Variants in PID1 observed in about 807,000 individuals in gnomAD.
The protein encoded by PID1 is PTB-containing, cubilin and LRP1-interacting protein.
In PID1, 10 loss-of-function variants were observed where a neutral mutation model predicts 19.1. That is an observed-to-expected ratio of 0.52 (90% confidence interval 0.32 to 0.89). The LOEUF (loss-of-function observed/expected upper bound fraction) is 0.89, where lower values mean the gene tolerates loss of function less well. Among genes scored for constraint, PID1 ranks in the 40% least tolerant of loss-of-function variants. The probability of loss-of-function intolerance (pLI) is 0.03; values close to 1 mark genes in which losing one functional copy is unlikely to be tolerated. For missense variants in PID1, 248 were observed against 285.3 expected (o/e 0.87, Z 0.94); for synonymous variants, 130 against 116.0 (o/e 1.12, Z -0.78).
intron 2 of PID1, among the ~76,000 whole-genome samples, chr2:229,138,201 G>C (rs926420303): frequency 1.3e-4 from 20 of 152,198 alleles, no homozygotes; most frequent in African/African-American, 4.8e-4. Context: ...TTCTCTCCTG[G>C]ACCCTCAGAA....
intron 1 of PID1, among the ~76,000 whole-genome samples, chr2:229,208,888 G>T (rs922053192): frequency 2.0e-5 from 3 of 152,142 alleles, no homozygotes; most frequent in Non-Finnish European, 4.4e-5. Flanking sequence ...ATGAAAATTA[G>T]AGAGGAGCCC....
intron 1 of PID1, among the ~76,000 whole-genome samples, chr2:229,266,274 T>G (rs557287897): frequency 1.4e-4 from 21 of 152,122 alleles, no homozygotes; most frequent in African/African-American, 5.1e-4. Context: ...CTCCCCATTT[T>G]TTTTTTGTCT....
At chr2:229,166,994 T>C (rs374733053) in intron 1 of PID1, among the ~76,000 whole-genome samples, 1 of 83,096 alleles carries the variant, frequency 1.2e-5, no homozygotes, top group Non-Finnish European at 2.6e-5. Context: ...GAAGGGGAAG[T>C]GGAAGGGGAA....
intron 2 of PID1, among the ~76,000 whole-genome samples, chr2:229,142,751 C>G (rs1039361588): frequency 1.2e-4 from 18 of 152,170 alleles, no homozygotes; most frequent in African/African-American, 4.3e-4. Flanking sequence ...GTTGGTGGGA[C>G]TGTAAACTAG....
intron 2 of PID1, among the ~76,000 whole-genome samples, chr2:229,088,819 A>G (rs1222728664): frequency 6.6e-6 from 1 of 152,140 alleles, no homozygotes. Flanking sequence ...ACTACTTTCC[A>G]TGAATACTGC....
At chr2:229,073,251 T>C (rs1479786265) in intron 2 of PID1, among the ~76,000 whole-genome samples, 2 of 152,166 alleles carry the variant, frequency 1.3e-5, no homozygotes, top group Admixed American at 6.5e-5. Context: ...GGTCTCGATC[T>C]CCTGACCTCG....
In PID1 at chr2:229,112,396, T is replaced by C. The variant is rs566452949; in HGVS notation, c.177+43422A>G. Among the ~76,000 whole-genome samples, 53 of 152,342 alleles carry C rather than the reference T, an allele frequency of 3.5e-4. 1 individual carries two copies. Among genetic ancestry groups the C allele is most frequent in the African/African-American group, 1.3e-3 (52 of 41,580 alleles). On this transcript the variant is annotated intron_variant, in intron 2 of 2. Coordinates refer to ENST00000392055, the MANE Select transcript of PID1 (RefSeq NM_001100818.2). ...CACCACTGAAACGTTAAACGCTCCT[T>C]AGCAATGTACTCAGCTGTATTAGTG...
At chr2:229,231,643 G>C (rs1246573690) in intron 1 of PID1, among the ~76,000 whole-genome samples, 1 of 152,110 alleles carries the variant, frequency 6.6e-6, no homozygotes, top group East Asian at 1.9e-4. Context: ...AACCAAATGT[G>C]TGTGGCTTTG....
chr2:229,154,651 T>A (rs1358409599), intron 2 of PID1, among the ~76,000 whole-genome samples: 4 of 152,142 alleles, frequency 2.6e-5, no homozygotes, highest in Non-Finnish European at 5.9e-5. Context: ...ACCACAGCTA[T>A]GCGAGAACTG....
intron 2 of PID1, among the ~76,000 whole-genome samples, chr2:229,113,149 C>T (rs17614031): frequency 0.12 from 18,062 of 151,916 alleles, 1,304 homozygotes; most frequent in South Asian, 0.23. Flanking sequence ...AGCATGGCAT[C>T]CTGAAAGAGA....
intron 1 of PID1, among the ~76,000 whole-genome samples, chr2:229,201,701 C>G (rs1023228808): frequency 9.9e-5 from 15 of 152,066 alleles, no homozygotes; most frequent in Non-Finnish European, 1.9e-4. Flanking sequence ...GGAACTGCCA[C>G]GCTGCTTTCC....
chr2:229,123,813 C>T (rs1462181659), intron 2 of PID1, among the ~76,000 whole-genome samples: 1 of 152,118 alleles, frequency 6.6e-6, no homozygotes, highest in African/African-American at 2.4e-5. Context: ...TGTATATGTT[C>T]TTGGGCAAAA....
chr2:229,192,144 C>T (rs534561884), intron 1 of PID1, among the ~76,000 whole-genome samples: 6 of 152,222 alleles, frequency 3.9e-5, no homozygotes, highest in African/African-American at 1.4e-4. Flanking sequence ...GGGCAATTTA[C>T]TTTTTGCCAG....
chr2:229,120,986 C>T (rs539384847), intron 2 of PID1, among the ~76,000 whole-genome samples: 2 of 152,240 alleles, frequency 1.3e-5, no homozygotes, highest in Non-Finnish European at 2.9e-5. Context: ...AAAGCCTTCA[C>T]CAGAAGCCAA....
intron 2 of PID1, among the ~76,000 whole-genome samples, chr2:229,048,397 G>A (rs1421834693): frequency 6.6e-6 from 1 of 152,154 alleles, no homozygotes; most frequent in Non-Finnish European, 1.5e-5. Flanking sequence ...GAATCCTCTG[G>A]AGGGTCTCTC....
At chr2:229,100,914 C>A (rs1166258570) in intron 2 of PID1, among the ~76,000 whole-genome samples, 1 of 152,212 alleles carries the variant, frequency 6.6e-6, no homozygotes, top group Non-Finnish European at 1.5e-5. Context: ...ACTAGTCAGC[C>A]CTTTGTCTCT....
chr2:229,267,028 T>C (rs1690608418), intron 1 of PID1, among the ~76,000 whole-genome samples: 1 of 151,718 alleles, frequency 6.6e-6, no homozygotes, highest in Non-Finnish European at 1.5e-5. Context: ...AAGAAAAATC[T>C]AGAACGATCC....
At chr2:229,156,684 C>T (rs1393800468) in intron 1 of PID1, among the ~76,000 whole-genome samples, 1 of 152,156 alleles carries the variant, frequency 6.6e-6, no homozygotes, top group African/African-American at 2.4e-5. Context: ...AATTGCCCCA[C>T]CGTCACCAGA....
intron 1 of PID1, among the ~76,000 whole-genome samples, chr2:229,167,921 A>G (rs1329496294): frequency 1.3e-5 from 2 of 152,264 alleles, no homozygotes; most frequent in South Asian, 4.1e-4. Flanking sequence ...TTTTCAAATA[A>G]TACTTTTTAG....
Sources: gnomAD v4.1 joint callset for allele counts (sites outside exome capture counted in the v4.1 genomes callset) on GRCh38, gnomAD v4.1.1 for gene constraint, MANE v1.5 for transcripts, NCBI Gene and HGNC (gene_info 2026-07-23, HGNC 2026-07-21) for gene names.